The following RAB37 variants were observed in gnomAD, a reference collection of about 807,000 sequenced individuals.
RAB37 encodes the protein RAB37, member RAS oncogene family, also known as ras-related protein Rab-37.
In RAB37, 29 loss-of-function variants were observed where a neutral mutation model predicts 33.1. The ratio of observed to expected loss-of-function variants is 0.88; its 90% CI spans 0.65 to 1.20. RAB37 has a LOEUF of 1.20. Among genes scored for constraint, RAB37 ranks in the 50% most tolerant of loss-of-function variants. RAB37 has a pLI of 0.00. For synonymous variants in RAB37, 128 were observed against 119.5 expected (o/e 1.07, Z -0.47); for missense variants, 299 against 301.1 (o/e 0.99, Z 0.05).
chr17:74,735,742 C>T (rs1371388158), upstream of RAB37, among the ~76,000 whole-genome samples: 1 of 152,216 alleles, frequency 6.6e-6, no homozygotes. Context: ...CTTTACTCTA[C>T]TGGAGATCAC....
intron 1 of RAB37, among the ~76,000 whole-genome samples, chr17:74,675,784 G>T (rs964874520): frequency 6.6e-6 from 1 of 152,190 alleles, no homozygotes; most frequent in African/African-American, 2.4e-5. Context: ...TGTAGCTCTT[G>T]CACTTTAGCT....
At chr17:74,672,366 G>A (rs1039437463) in intron 1 of RAB37, among the ~76,000 whole-genome samples, 4 of 152,090 alleles carry the variant, frequency 2.6e-5, no homozygotes, top group Non-Finnish European at 5.9e-5. Flanking sequence ...AGTTATTATG[G>A]CTCACCTTCC....
At chr17:74,695,003 G>A in intron 1 of RAB37, 1 of 1,379,148 alleles carries the variant, frequency 7.3e-7, no homozygotes. Context: ...CCAGTCCCCG[G>A]GTTGGTCCTG....
At chr17:74,737,204 C>A, upstream of RAB37, 3 of 330,962 alleles carry the variant, frequency 9.1e-6, no homozygotes, top group East Asian at 2.1e-4. Flanking sequence ...GTGGGCGGGG[C>A]GGGGGTGGGG....
intron 1 of RAB37, among the ~76,000 whole-genome samples, chr17:74,678,069 G>A (rs2031878516): frequency 6.6e-6 from 1 of 152,112 alleles, no homozygotes; most frequent in Admixed American, 6.5e-5. Flanking sequence ...TGTTGAAGTG[G>A]GCATTTGAAG....
intron 1 of RAB37, among the ~76,000 whole-genome samples, chr17:74,705,021 G>A (rs1436786186): frequency 1.3e-5 from 2 of 152,110 alleles, no homozygotes; most frequent in Admixed American, 6.5e-5. Context: ...GCACAACAAC[G>A]GATCCCCCCA....
At chr17:74,679,689 A>G (rs1378880179) in intron 1 of RAB37, among the ~76,000 whole-genome samples, 1 of 152,182 alleles carries the variant, frequency 6.6e-6, no homozygotes, top group African/African-American at 2.4e-5. Context: ...AGGGAAACAA[A>G]GGCCAGATGG....
At chr17:74,695,948 C>A (rs1323297242) in intron 1 of RAB37, 1 of 1,464,388 alleles carries the variant, frequency 6.8e-7, no homozygotes, top group African/African-American at 1.4e-5. Flanking sequence ...GAGAGCCTCT[C>A]CACTTCCCCA....
In RAB37 at chr17:74,745,096, G is replaced by A. The variant is rs772983386; in HGVS notation, c.566+12G>A. On this transcript the variant is annotated intron_variant, in intron 8 of 8. Transcript: ENST00000392613. The surrounding 1 kb of genome is among the most constrained non-coding windows in gnomAD (Gnocchi z 4.5). ...CTGGCCATCGCCAAGTGAGAGCTGG[G>A]CAGGGAAGGGAAGTGTGCGGGGCAG... 6.2e-7 allele frequency: 1 copy of A among 1,613,954 alleles called. No homozygotes were observed. Among genetic ancestry groups the A allele is most frequent in the East Asian group, 2.2e-5 (1 of 44,870 alleles).
At chr17:74,736,592 CT>C (rs1440477588), upstream of RAB37, 2 of 1,527,690 alleles carry the variant, frequency 1.3e-6, no homozygotes, top group Non-Finnish European at 1.7e-6. Context: ...GCGCAGCCCT[CT>C]TGCGAAAGCT....
intron 1 of RAB37, among the ~76,000 whole-genome samples, chr17:74,674,928 C>G (rs2031792152): frequency 6.6e-6 from 1 of 152,028 alleles, no homozygotes; most frequent in Admixed American, 6.6e-5. Flanking sequence ...TAGGGTAGTC[C>G]TAGAAACTTG....
intron 1 of RAB37, among the ~76,000 whole-genome samples, chr17:74,705,552 A>G (rs1031656571): frequency 6.6e-6 from 1 of 152,072 alleles, no homozygotes; most frequent in African/African-American, 2.4e-5. Flanking sequence ...GGTATTATAG[A>G]CAGTAAGGCA....
chr17:74,720,281 T>C (rs983862989), intron 1 of RAB37, among the ~76,000 whole-genome samples: 4 of 152,020 alleles, frequency 2.6e-5, no homozygotes, highest in Non-Finnish European at 4.4e-5. Flanking sequence ...TGAAGGGGTG[T>C]GTTACAATTA....
chr17:74,725,211 C>A (rs576024680), intron 1 of RAB37, among the ~76,000 whole-genome samples: 1 of 152,026 alleles, frequency 6.6e-6, no homozygotes, highest in African/African-American at 2.4e-5. Flanking sequence ...CACCCACAAG[C>A]TCCTCTCCTT....
Position 74,745,472 on chromosome 17 carries a change from G to A in RAB37, c.*61G>A. On this transcript the variant is annotated 3_prime_UTR_variant, in exon 9 of 9. Transcript: ENST00000392613. This position sits in a 1 kb window ranked among gnomAD's most constrained non-coding sequence, Gnocchi z 4.5. ...CAGGATGCAGCCTTCCCCCTCCCAG[G>A]CCTGGCTTATTCCAAGAGGCTGAGC... 1 of 1,398,856 alleles carries A rather than the reference G, an allele frequency of 7.1e-7. No homozygotes were observed. Among genetic ancestry groups the A allele is most frequent in the Non-Finnish European group, 1.0e-6 (1 of 986,912 alleles). 86.7% of individuals were successfully genotyped at this position (1,398,856 alleles called of 1,614,324 possible). A position where few individuals can be genotyped will look rare whatever the true frequency, so the allele number is the denominator to read the frequency against.
chr17:74,677,301 C>T (rs1030630001), intron 1 of RAB37: 4 of 152,186 alleles, frequency 2.6e-5, no homozygotes, highest in Admixed American at 1.3e-4. Flanking sequence ...CCTTCCCTGC[C>T]AGAAAATTGT....
In RAB37 at chr17:74,742,240, T is replaced by C; in HGVS notation, c.205-14T>C. 1 of 1,610,574 alleles carries C rather than the reference T, an allele frequency of 6.2e-7. No homozygotes were observed. The highest frequency in any genetic ancestry group is 8.5e-7 in the Non-Finnish European group (1 of 1,177,948). On this transcript the variant is annotated splice_polypyrimidine_tract_variant and intron_variant, in intron 2 of 8. Coordinates refer to ENST00000392613, the MANE Select transcript of RAB37 (RefSeq NM_001006638.3). This position sits in a 1 kb window ranked among gnomAD's most constrained non-coding sequence, Gnocchi z 4.0. ...GACTCCTGCCCTCCCATCCTCTGCCTTTTTCTCTTTCAGAACAAGGTGGTG... is the reference window on the plus strand; with the variant it reads ...GACTCCTGCCCTCCCATCCTCTGCCCTTTTCTCTTTCAGAACAAGGTGGTG...
chr17:74,735,119 CAAAG>C (rs1284755356), upstream of RAB37, among the ~76,000 whole-genome samples: 10 of 124,182 alleles, frequency 8.1e-5, no homozygotes, highest in East Asian at 9.9e-4. Flanking sequence ...GGCAGGCAGG[CAAAG>C]AAAGAAAGAA....
At chr17:74,736,782 T>C (rs2034481532), upstream of RAB37, 1 of 1,535,346 alleles carries the variant, frequency 6.5e-7, no homozygotes. Context: ...TCGGGCCGGG[T>C]GACTTAACAG....
Sources: allele counts gnomAD v4.1 joint callset (sites outside exome capture counted in the v4.1 genomes callset), GRCh38; gene constraint gnomAD v4.1.1; non-coding constraint Gnocchi (gnomAD v3.1); transcripts MANE v1.5; gene names NCBI Gene and HGNC (gene_info 2026-07-23, HGNC 2026-07-21).